Variants in OR52N4 observed in about 807,000 individuals in gnomAD.
OR52N4 encodes olfactory receptor 52N4.
A neutral mutation model predicts 15.0 loss-of-function variants in OR52N4; 15 were observed. The ratio of observed to expected loss-of-function variants is 1.00; its 90% CI spans 0.67 to 1.54. The LOEUF is 1.54. Ranked by LOEUF, OR52N4 falls within the 40% of genes most tolerant of loss-of-function variation. The pLI, the probability that OR52N4 is intolerant of heterozygous loss-of-function variation, is 0.00. For synonymous variants in OR52N4, 143 were observed against 143.7 expected (o/e 1.00, Z 0.03); for missense variants, 421 against 394.0 (o/e 1.07, Z -0.58).
the OR52N4 span, among the ~76,000 whole-genome samples, chr11:5,742,723 G>A: frequency 6.6e-6 from 1 of 151,984 alleles, no homozygotes; most frequent in Non-Finnish European, 1.5e-5. Flanking sequence ...GGCCCTACAA[G>A]AAGTTCACAA....
At chr11:5,729,045 C>G in the OR52N4 span, among the ~76,000 whole-genome samples, 9 of 151,922 alleles carry the variant, frequency 5.9e-5, no homozygotes, top group East Asian at 1.4e-3. Context: ...CCCTCACCCC[C>G]ACCCCACAAC....
At chr11:5,747,844 T>A in the OR52N4 span, among the ~76,000 whole-genome samples, 1 of 152,056 alleles carries the variant, frequency 6.6e-6, no homozygotes, top group Admixed American at 6.6e-5. Context: ...ATAAAATTTT[T>A]AAATACAGTG....
chr11:5,729,281 G>A, the OR52N4 span, among the ~76,000 whole-genome samples: 30 of 151,624 alleles, frequency 2.0e-4, no homozygotes, highest in African/African-American at 5.6e-4. Context: ...CAACACACCC[G>A]GCTAATTTTT....
At chr11:5,726,765 G>C in the OR52N4 span, 2 of 153,322 alleles carry the variant, frequency 1.3e-5, no homozygotes, top group African/African-American at 4.8e-5. Flanking sequence ...GCTATCTTCT[G>C]GTGTGGAGCC....
At chr11:5,735,526 T>C in the OR52N4 span, among the ~76,000 whole-genome samples, 1 of 151,900 alleles carries the variant, frequency 6.6e-6, no homozygotes, top group Non-Finnish European at 1.5e-5. Context: ...AAACATTTGC[T>C]CCAGGCAGGT....
At chr11:5,728,696 A>G in the OR52N4 span, among the ~76,000 whole-genome samples, 1 of 152,206 alleles carries the variant, frequency 6.6e-6, no homozygotes. Flanking sequence ...CAGCTCTTCA[A>G]AGCTCTGTCT....
chr11:5,750,250 G>A (rs1854162610), upstream of OR52N4, among the ~76,000 whole-genome samples: 1 of 151,896 alleles, frequency 6.6e-6, no homozygotes, highest in South Asian at 2.1e-4. Flanking sequence ...CACATGCAGT[G>A]GAACCATGAA....
At chr11:5,737,024 G>A in the OR52N4 span, 3 of 1,614,154 alleles carry the variant, frequency 1.9e-6, no homozygotes, top group Non-Finnish European at 2.5e-6. Context: ...TCCAGTGCCT[G>A]TGCTTGCAGC....
chr11:5,755,333 C>T lies in OR52N4; in HGVS notation c.593C>T (p.Ala198Val), dbSNP rs1412054638. The part of the protein sequence containing the change: ...KLSCGNVKVN[A>V]IYGLMVALLI... ...TCCTGTGGTAATGTCAAGGTCAATGCCATCTATGGTCTGATGGTTGCCCTC... is the reference window on the plus strand; with the variant it reads ...TCCTGTGGTAATGTCAAGGTCAATGTCATCTATGGTCTGATGGTTGCCCTC... Residue 198 changes from alanine to valine, a missense_variant, in exon 2 of 2, where the codon GCC (alanine) becomes GTC (valine). By Grantham distance (64) the Ala-to-Val change is moderately conservative. Coordinates refer to ENST00000641350, the MANE Select transcript of OR52N4 (RefSeq NM_001005175.5). 3.7e-6 allele frequency: 6 copies of T among 1,614,066 alleles called. No individual in the cohort carries two copies. Among genetic ancestry groups the T allele is most frequent in the South Asian group, 2.2e-5 (2 of 91,084 alleles).
chr11:5,737,352 T>G, the OR52N4 span: 2 of 1,614,028 alleles, frequency 1.2e-6, no homozygotes, highest in Non-Finnish European at 1.7e-6. Context: ...AAGGCTACTT[T>G]GATTCCAGTT....
the OR52N4 span, chr11:5,737,480 A>G: frequency 1.2e-6 from 2 of 1,609,808 alleles, no homozygotes; most frequent in Non-Finnish European, 1.7e-6. Flanking sequence ...TACAAAAGAA[A>G]TAAGATCTTA....
chr11:5,745,255 C>T, the OR52N4 span, among the ~76,000 whole-genome samples: 2 of 152,134 alleles, frequency 1.3e-5, no homozygotes, highest in African/African-American at 4.8e-5. Context: ...GAAAGTCAAA[C>T]TATCTCTATT....
At chr11:5,744,639 G>A in the OR52N4 span, among the ~76,000 whole-genome samples, 4 of 152,184 alleles carry the variant, frequency 2.6e-5, no homozygotes, top group Non-Finnish European at 4.4e-5. Flanking sequence ...AAGGCTGGGT[G>A]TGGTGGCTCA....
the OR52N4 span, among the ~76,000 whole-genome samples, chr11:5,735,326 T>G: frequency 6.6e-6 from 1 of 152,026 alleles, no homozygotes; most frequent in Non-Finnish European, 1.5e-5. Flanking sequence ...GAGTCATATC[T>G]GAGAGTGTTT....
chr11:5,734,173 G>T, the OR52N4 span: 3 of 456,194 alleles, frequency 6.6e-6, no homozygotes, highest in African/African-American at 4.0e-5. Flanking sequence ...TTCTGTCTTT[G>T]CCCAGTAGAA....
At chr11:5,743,195 A>G in the OR52N4 span, among the ~76,000 whole-genome samples, 2 of 152,280 alleles carry the variant, frequency 1.3e-5, no homozygotes, top group African/African-American at 4.8e-5. Context: ...GACAATTCTG[A>G]ACATATATGC....
chr11:5,733,494 C>T, the OR52N4 span, among the ~76,000 whole-genome samples: 1 of 152,120 alleles, frequency 6.6e-6, no homozygotes, highest in Non-Finnish European at 1.5e-5. Flanking sequence ...TCAGAACAAA[C>T]ATTTTTTCAG....
the OR52N4 span, chr11:5,737,338 G>C: frequency 1.2e-6 from 2 of 1,614,078 alleles, no homozygotes; most frequent in Non-Finnish European, 1.7e-6. Flanking sequence ...ATCTGACAGA[G>C]ATGAAGGCTA....
At chr11:5,741,986 C>T in the OR52N4 span, among the ~76,000 whole-genome samples, 2 of 151,848 alleles carry the variant, frequency 1.3e-5, no homozygotes, top group African/African-American at 4.8e-5. Context: ...TTTCTGAAAC[C>T]AAAAATTCAC....
Sources: allele counts gnomAD v4.1 joint callset (sites outside exome capture counted in the v4.1 genomes callset), GRCh38; gene constraint gnomAD v4.1.1; transcripts MANE v1.5; gene names NCBI Gene and HGNC (gene_info 2026-07-23, HGNC 2026-07-21).